The following CDK19 variants were observed in gnomAD, a reference collection of about 807,000 sequenced individuals.
CDK19 encodes cyclin dependent kinase 19.
In CDK19, 20 loss-of-function variants were observed where a neutral mutation model predicts 68.3. That is an observed-to-expected ratio of 0.29 (90% CI 0.21 to 0.43). The LOEUF is 0.43. CDK19 is among the 20% of genes least tolerant of loss of function. CDK19 has a pLI of 1.00. For synonymous variants in CDK19, 221 were observed against 222.8 expected, an observed-to-expected ratio of 0.99 and a Z score of 0.07; for missense variants, 339 against 623.5, an observed-to-expected ratio of 0.54 and a Z score of 4.86.
At chr6:110,714,900 A>C (rs769052422) in intron 2 of CDK19, among the ~76,000 whole-genome samples, 1 of 151,512 alleles carries the variant, frequency 6.6e-6, no homozygotes, top group Non-Finnish European at 1.5e-5. Context: ...CGCCCGGCTA[A>C]TTTCTGTATT....
chr6:110,748,638 T>C (rs1387902756), intron 1 of CDK19, among the ~76,000 whole-genome samples: 1 of 152,250 alleles, frequency 6.6e-6, no homozygotes, highest in Non-Finnish European at 1.5e-5. Flanking sequence ...TTCTTGGCAC[T>C]GTACTACGTG....
chr6:110,739,690 G>A (rs1032763705), intron 2 of CDK19, among the ~76,000 whole-genome samples: 1 of 151,358 alleles, frequency 6.6e-6, no homozygotes, highest in African/African-American at 2.4e-5. Flanking sequence ...GAGTGTAGTG[G>A]TGCAATCGTA....
chr6:110,779,102 A>G (rs1175496367), intron 1 of CDK19, among the ~76,000 whole-genome samples: 1 of 152,154 alleles, frequency 6.6e-6, no homozygotes, highest in Non-Finnish European at 1.5e-5. Flanking sequence ...TGATCTTTCT[A>G]AAATACAAAT....
At chr6:110,726,311 G>A (rs1320497561) in intron 2 of CDK19, among the ~76,000 whole-genome samples, 1 of 152,138 alleles carries the variant, frequency 6.6e-6, no homozygotes, top group Non-Finnish European at 1.5e-5. Flanking sequence ...AGAATAAACA[G>A]ATGTTACCAG....
At chr6:110,660,539 G>A (rs1376052810) in intron 4 of CDK19, among the ~76,000 whole-genome samples, 1 of 152,122 alleles carries the variant, frequency 6.6e-6, no homozygotes, top group Non-Finnish European at 1.5e-5. Context: ...GAGGTCGCCT[G>A]GGCAAACTGA....
intron 2 of CDK19, among the ~76,000 whole-genome samples, chr6:110,732,407 G>A (rs1018149001): frequency 2.0e-5 from 3 of 152,010 alleles, no homozygotes; most frequent in Non-Finnish European, 4.4e-5. Flanking sequence ...GGAAGCTGAG[G>A]CACAAGAAGC....
chr6:110,638,772 A>C, intron 4 of CDK19, 66 bp from the exon 5 acceptor site: 1 of 863,638 alleles, frequency 1.2e-6, no homozygotes, highest in Non-Finnish European at 1.9e-6. Flanking sequence ...AAAATGGAGA[A>C]AAGTTCTTAT....
intron 6 of CDK19, among the ~76,000 whole-genome samples, chr6:110,631,361 C>T (rs1157461123): frequency 6.6e-6 from 1 of 152,218 alleles, no homozygotes; most frequent in Non-Finnish European, 1.5e-5. Flanking sequence ...CCTCCATTCA[C>T]AGCTGGGCCG....
chr6:110,648,184 T>C (rs1279456648), intron 4 of CDK19, among the ~76,000 whole-genome samples: 1 of 152,102 alleles, frequency 6.6e-6, no homozygotes, highest in Non-Finnish European at 1.5e-5. Context: ...ACTTATAAAA[T>C]CAACATTGTA....
chr6:110,686,225 T>C (rs552064982), intron 2 of CDK19, among the ~76,000 whole-genome samples: 3 of 152,310 alleles, frequency 2.0e-5, no homozygotes, highest in African/African-American at 7.2e-5. Context: ...ATGGTGAGGC[T>C]ATTAAGGAAA....
At chr6:110,713,651 T>C (rs1324545586) in intron 2 of CDK19, among the ~76,000 whole-genome samples, 4 of 152,152 alleles carry the variant, frequency 2.6e-5, no homozygotes, top group Non-Finnish European at 4.4e-5. Flanking sequence ...TTTGTAATTT[T>C]TCTAAGCACA....
At chr6:110,624,730 G>A (rs896205445) in intron 8 of CDK19, among the ~76,000 whole-genome samples, 1 of 152,016 alleles carries the variant, frequency 6.6e-6, no homozygotes, top group South Asian at 2.1e-4. Context: ...TCTCCTACTG[G>A]TACGGGTATT....
At chr6:110,639,273 G>C (rs1191630870) in intron 4 of CDK19, among the ~76,000 whole-genome samples, 1 of 152,194 alleles carries the variant, frequency 6.6e-6, no homozygotes, top group Non-Finnish European at 1.5e-5. Flanking sequence ...AAAAAGAAAA[G>C]AGTAGGCTGC....
Position 110,621,125 on chromosome 6 carries a change from A to C in CDK19, c.1356T>G (p.Pro452=). 1 of 1,613,676 alleles carries C rather than the reference A, an allele frequency of 6.2e-7. No homozygotes were observed. Among genetic ancestry groups the C allele is most frequent in the East Asian group, 2.2e-5 (1 of 44,888 alleles). ...LGPSGANSGG[P]VMPSDYQHSS... ...GTACCTGATAATCCGAGGGCATCAC[A>C]GGTCCACCTGAGTTTGCGCCTGAAG... Residue 452 remains proline (P), a synonymous_variant, in exon 12 of 13, where the codon CCT becomes CCG. Transcript: ENST00000368911. The surrounding 1 kb of genome is among the most constrained non-coding windows in gnomAD (Gnocchi z 5.4).
At chr6:110,634,143 T>C (rs902223921) in intron 5 of CDK19, among the ~76,000 whole-genome samples, 9 of 152,336 alleles carry the variant, frequency 5.9e-5, no homozygotes, top group Admixed American at 1.3e-4. Context: ...TATAACATAT[T>C]AAAATTTTAA....
intron 5 of CDK19, among the ~76,000 whole-genome samples, chr6:110,635,227 A>AT (rs1275517256): frequency 5.9e-5 from 9 of 152,214 alleles, no homozygotes; most frequent in Admixed American, 3.3e-4. Flanking sequence ...CAAAAAAGTG[A>AT]TAAGTACTGT....
At chr6:110,700,358 G>GA (rs1158334157) in intron 2 of CDK19, among the ~76,000 whole-genome samples, 1 of 152,104 alleles carries the variant, frequency 6.6e-6, no homozygotes, top group African/African-American at 2.4e-5. Flanking sequence ...CCCGGTATGT[G>GA]AAAAAATTGT....
In CDK19 at chr6:110,815,270, C is replaced by T. The variant is rs887444795; in HGVS notation, c.-134G>A. On this transcript the variant is annotated 5_prime_UTR_variant, in exon 1 of 13. Transcript: ENST00000368911. Reference sequence around the variant, plus strand: ...GCGCGCGCGCGCGCCGCCCGCCGCCCGCCGCTCCGCGGTCCGCCTTCAGCA... The same window carrying T: ...GCGCGCGCGCGCGCCGCCCGCCGCCTGCCGCTCCGCGGTCCGCCTTCAGCA... 1,504 of 1,041,342 alleles carry T rather than the reference C, an allele frequency of 1.4e-3. 4 individuals carry two copies. Among genetic ancestry groups the T allele is most frequent in the Non-Finnish European group, 1.8e-3 (1,398 of 792,886 alleles). 64.5% of individuals were successfully genotyped at this position (1,041,342 alleles called of 1,614,324 possible).
chr6:110,741,737 C>T (rs1777687149), intron 2 of CDK19, among the ~76,000 whole-genome samples: 1 of 151,808 alleles, frequency 6.6e-6, no homozygotes, highest in African/African-American at 2.4e-5. Flanking sequence ...CCACGAAGGC[C>T]AGAAAGCAGA....
Sources: gnomAD v4.1 joint callset for allele counts (sites outside exome capture counted in the v4.1 genomes callset) on GRCh38, gnomAD v4.1.1 for gene constraint, Gnocchi (gnomAD v3.1) non-coding constraint, MANE v1.5 for transcripts, NCBI Gene and HGNC (gene_info 2026-07-23, HGNC 2026-07-21) for gene names.